Variants in ARSH observed in about 807,000 individuals in gnomAD.
The protein encoded by ARSH is arylsulfatase H.
In ARSH, 32 loss-of-function variants were observed where a neutral mutation model predicts 28.7. The ratio of observed to expected loss-of-function variants is 1.11; its 90% CI spans 0.84 to 1.50. The LOEUF is 1.50. Among genes scored for constraint, ARSH ranks in the 40% most tolerant of loss-of-function variants. The pLI is 0.00. For missense variants in ARSH, 440 were observed against 452.4 expected (o/e 0.97, Z 0.25); for synonymous variants, 176 against 177.3 (o/e 0.99, Z 0.06).
At position 3,033,972 on chromosome X, in the gene ARSH, C is replaced by G; in HGVS notation, c.*587C>G. ...CGTAGCTATATCATCGTGGAAATGT[C>G]TCTGTGATTTGGTTTCTTCATGTGT... On this transcript the variant is annotated 3_prime_UTR_variant, in exon 9 of 9. Transcript: ENST00000381130. Among the ~76,000 whole-genome samples the G allele has an allele frequency of 8.9e-6, 1 of 111,754 alleles. No individual in the cohort carries two copies.
chrX:3,022,925 C>T (rs1401807752), intron 5 of ARSH, among the ~76,000 whole-genome samples: 4 of 109,996 alleles, frequency 3.6e-5, no homozygotes, highest in Admixed American at 2.0e-4. Context: ...TAATGTTCAT[C>T]GGTTTATTTA....
At position 3,024,012 on chromosome X, in the gene ARSH, C is replaced by T. The variant is rs2089891756; in HGVS notation, c.902-9C>T. On this transcript the variant is annotated splice_polypyrimidine_tract_variant and intron_variant, in intron 5 of 8. Transcript: ENST00000381130. ...AGGTCAACGTCTTTGTGTCTCTGAC[C>T]CTCTCCAGGTAAAATCCTGGATGCC... 1 of 1,208,584 alleles carries T rather than the reference C, an allele frequency of 8.3e-7. No homozygotes were observed. Among genetic ancestry groups the T allele is most frequent in the East Asian group, 3.0e-5 (1 of 33,547 alleles).
At chrX:3,023,785 T>TATATTAAATATTTAA (rs2147459153) in intron 5 of ARSH, among the ~76,000 whole-genome samples, 1 of 108,008 alleles carries the variant, frequency 9.3e-6, no homozygotes, top group Admixed American at 1.0e-4. Flanking sequence ...TTATACATTA[T>TATATTAAATATTTAA]TACATTATAT....
At position 3,029,311 on chromosome X, in the gene ARSH, T is replaced by C. The variant is rs781043778; in HGVS notation, c.1264T>C (p.Phe422Leu). ...AAGGGCGTCCCACTCCGACCACGAG[T>C]TCCTCTTCCACTACTGTGGGGTCTA... ...EGRASHSDHE[F>L]LFHYCGVYLH... Residue 422 changes from phenylalanine to leucine, a missense_variant, in exon 8 of 9, where the codon TTC (phenylalanine) becomes CTC (leucine). Physicochemically the swap from Phe to Leu is conservative, Grantham distance 22. Transcript: ENST00000381130. The C allele has an allele frequency of 8.3e-7, 1 of 1,208,124 alleles. No individual in the cohort carries two copies. The highest frequency in any genetic ancestry group is 1.8e-5 in the African/African-American group (1 of 56,761).
Position 3,015,003 on chromosome X carries a change from G to A in ARSH, c.374G>A (p.Arg125Gln), listed in dbSNP as rs777648295. The A allele has an allele frequency of 2.6e-5, 32 of 1,209,303 alleles. No individual in the cohort carries two copies. The highest frequency in any genetic ancestry group is 1.2e-4 in the African/African-American group (7 of 57,100). ...KWHLGLSCAS[R>Q]NDHCYHPLNH... The stretch of plus-strand genomic sequence containing the variant: ...CACCTGGGTTTGAGCTGCGCCTCTC[G>A]GAATGATCACTGTTACCACCCGCTC... Residue 125 changes from arginine (R) to glutamine (Q), a missense_variant, in exon 4 of 9, where the codon CGG (arginine) becomes CAG (glutamine). Transcript: ENST00000381130.
chrX:3,013,836 A>G (rs1422229890), intron 3 of ARSH, among the ~76,000 whole-genome samples: 1 of 111,515 alleles, frequency 9.0e-6, no homozygotes, highest in African/African-American at 3.3e-5. Flanking sequence ...TCAGTAGGGC[A>G]TGTATTCCCA....
chrX:3,029,425 C>T (rs1309547505), intron 8 of ARSH, 57 bp downstream of exon 8: 5 of 1,167,183 alleles, frequency 4.3e-6, no homozygotes, highest in East Asian at 3.0e-5. Context: ...TTCCGGTCTC[C>T]TTCGTCTCCT....
intron 2 of ARSH, among the ~76,000 whole-genome samples, chrX:3,011,410 G>A (rs1009103405): frequency 4.6e-5 from 5 of 109,058 alleles, no homozygotes; most frequent in Non-Finnish European, 9.5e-5. Flanking sequence ...CACCACACCC[G>A]GCTAATTTTT....
intron 5 of ARSH, among the ~76,000 whole-genome samples, chrX:3,019,670 T>C (rs965608527): frequency 1.8e-5 from 2 of 111,069 alleles, no homozygotes; most frequent in African/African-American, 6.6e-5. Flanking sequence ...ACGAACAATC[T>C]CCCAGTTATC....
At chrX:3,019,129 G>T (rs7054514) in intron 5 of ARSH, among the ~76,000 whole-genome samples, 13,255 of 109,390 alleles carry the variant, frequency 0.12, 737 homozygotes, top group African/African-American at 0.2. Context: ...GCCAGGCATG[G>T]TTATGCGGGC....
chrX:3,029,220 C>G, intron 7 of ARSH, 27 bp from the exon 8 acceptor site: 1 of 1,201,772 alleles, frequency 8.3e-7, no homozygotes, highest in African/African-American at 1.7e-5. Context: ...CTCTCATCAC[C>G]TTCTACACAC....
intron 5 of ARSH, among the ~76,000 whole-genome samples, chrX:3,023,289 TATTA>T (rs1243370965): frequency 9.5e-6 from 1 of 105,226 alleles, no homozygotes; most frequent in African/African-American, 3.4e-5. Flanking sequence ...AAATTTAATA[TATTA>T]ATTAGACATA....
At chrX:3,032,592 GGAGGGAGGGAGAGACAGAA>G (rs953091060) in intron 8 of ARSH, among the ~76,000 whole-genome samples, 1 of 109,544 alleles carries the variant, frequency 9.1e-6, no homozygotes, top group Admixed American at 9.8e-5. Context: ...GAAGGGAAGA[GGAGGGAGGGAGAGACAGAA>G]GAGGGAGGGA....
In ARSH at chrX:3,033,281, T is replaced by G. The variant is rs753908904; in HGVS notation, c.1585T>G (p.Ser529Ala). ...RTLTPVPQQF[S>A]VFNTIWKPWL... ...ACTAACACCTGTCCCACAGCAGTTC[T>G]CTGTGTTCAACACAATTTGGAAACC... Residue 529 changes from serine to alanine, a missense_variant, in exon 9 of 9, where the codon TCT becomes GCT. Transcript: ENST00000381130. 1.7e-6 allele frequency: 2 copies of G among 1,211,518 alleles called. No individual in the cohort carries two copies. The highest frequency in any genetic ancestry group is 2.2e-6 in the Non-Finnish European group (2 of 895,345).
At chrX:3,025,664 G>A (rs1450836939) in intron 6 of ARSH, among the ~76,000 whole-genome samples, 1 of 109,300 alleles carries the variant, frequency 9.1e-6, no homozygotes, top group Non-Finnish European at 1.9e-5. Flanking sequence ...CTTGTCATGT[G>A]GACTTGCTGT....
intron 8 of ARSH, among the ~76,000 whole-genome samples, chrX:3,031,620 A>C (rs1286479621): frequency 9.0e-6 from 1 of 111,408 alleles, no homozygotes; most frequent in African/African-American, 3.3e-5. Flanking sequence ...CACATAAAAC[A>C]ATTAAAAAAA....
At chrX:3,011,252 CTT>C (rs386419239) in intron 2 of ARSH, among the ~76,000 whole-genome samples, 6 of 90,922 alleles carry the variant, frequency 6.6e-5, no homozygotes, top group Non-Finnish European at 1.1e-4. Context: ...TTCTTTCTTT[CTT>C]TTTTTTTTTT....
At chrX:3,018,067 A>T (rs2089870795) in intron 4 of ARSH, among the ~76,000 whole-genome samples, 1 of 112,045 alleles carries the variant, frequency 8.9e-6, no homozygotes, top group Non-Finnish European at 1.9e-5. Context: ...TGGTGTGATA[A>T]TAGCTCACGG....
chrX:3,033,069 G>T lies in ARSH; in HGVS notation c.1373G>T (p.Gly458Val). 1 of 1,211,116 alleles carries T rather than the reference G, an allele frequency of 8.3e-7. No homozygotes were observed. Among genetic ancestry groups the T allele is most frequent in the South Asian group, 1.8e-5 (1 of 56,909 alleles). The change falls in exon 9 of 9, where the codon GGA becomes GTA. Residue 458 changes from glycine (G) to valine (V), a missense_variant. Coordinates refer to ENST00000381130, the MANE Select transcript of ARSH (RefSeq NM_001011719.2). ...HYVTPKFYPEGTGACYGSGIC... is the reference protein window; with the variant it reads ...HYVTPKFYPEVTGACYGSGIC... ...GTGACTCCTAAATTCTACCCTGAAGGAACAGGTGCCTGCTATGGGAGTGGA... is the reference window on the plus strand; with the variant it reads ...GTGACTCCTAAATTCTACCCTGAAGTAACAGGTGCCTGCTATGGGAGTGGA...
Sources: gnomAD v4.1 joint callset for allele counts (sites outside exome capture counted in the v4.1 genomes callset) on GRCh38, gnomAD v4.1.1 for gene constraint, MANE v1.5 for transcripts, NCBI Gene and HGNC (gene_info 2026-07-23, HGNC 2026-07-21) for gene names.